Variants in PDE6D observed in about 807,000 individuals in gnomAD.
PDE6D encodes retinal rod rhodopsin-sensitive cGMP 3',5'-cyclic phosphodiesterase subunit delta.
A neutral mutation model predicts 21.9 loss-of-function variants in PDE6D; 10 were observed. The observed-to-expected ratio is 0.46, with a 90% CI of 0.28 to 0.78. The LOEUF is 0.78. Among genes scored for constraint, PDE6D ranks in the 30% least tolerant of loss-of-function variants. The probability of loss-of-function intolerance (pLI) is 0.12; values close to 1 mark genes in which losing one functional copy is unlikely to be tolerated. For synonymous variants in PDE6D, 59 were observed against 63.5 expected (o/e 0.93, Z 0.34); for missense variants, 139 against 184.8 (o/e 0.75, Z 1.44).
intron 1 of PDE6D, among the ~76,000 whole-genome samples, chr2:231,754,838 A>G (rs760549457): frequency 1.1e-4 from 16 of 152,250 alleles, no homozygotes; most frequent in Non-Finnish European, 1.8e-4. Flanking sequence ...TAAAAGGATA[A>G]TCTTCTTCTT....
intron 1 of PDE6D, among the ~76,000 whole-genome samples, chr2:231,770,561 T>A (rs2049006609): frequency 6.6e-6 from 1 of 152,156 alleles, no homozygotes; most frequent in South Asian, 2.1e-4. Flanking sequence ...TCATGTCTGT[T>A]AATTCCAGCA....
At chr2:231,779,235 C>A (rs2049081958) in intron 1 of PDE6D, 1 of 152,200 alleles carries the variant, frequency 6.6e-6, no homozygotes, top group South Asian at 2.1e-4. Flanking sequence ...TTTCTGGATG[C>A]ACTAACATCA....
intron 2 of PDE6D, among the ~76,000 whole-genome samples, chr2:231,738,419 A>T (rs1045093008): frequency 6.6e-6 from 1 of 152,164 alleles, no homozygotes; most frequent in African/African-American, 2.4e-5. Flanking sequence ...AACTACTCTC[A>T]TCAGGAAGGG....
chr2:231,741,621 T>C (rs1406499848), intron 1 of PDE6D, among the ~76,000 whole-genome samples: 1 of 152,218 alleles, frequency 6.6e-6, no homozygotes, highest in Non-Finnish European at 1.5e-5. Flanking sequence ...ATAGAATACC[T>C]AGTGTGTTTA....
chr2:231,753,245 C>T (rs889305922), intron 1 of PDE6D, among the ~76,000 whole-genome samples: 5 of 148,004 alleles, frequency 3.4e-5, no homozygotes, highest in Non-Finnish European at 7.5e-5. Context: ...CTGTTTCGGC[C>T]GGGAGCGGTG....
At chr2:231,741,560 G>C (rs1387183077) in intron 1 of PDE6D, among the ~76,000 whole-genome samples, 1 of 152,162 alleles carries the variant, frequency 6.6e-6, no homozygotes, top group Non-Finnish European at 1.5e-5. Flanking sequence ...GTCCAGGCTA[G>C]AGCAGGTCAC....
Position 231,739,147 on chromosome 2 carries a change from A to G in PDE6D, c.92T>C (p.Leu31Pro). 1 of 1,613,422 alleles carries G rather than the reference A, an allele frequency of 6.2e-7. No homozygotes were observed. Among genetic ancestry groups the G allele is most frequent in the Non-Finnish European group, 8.5e-7 (1 of 1,179,394 alleles). ...AGACAGGTCTTCTGTTCCTTGCCAGAGTATCTTCCCTGTCTCAGCATCCCG... is the reference window on the plus strand; with the variant it reads ...AGACAGGTCTTCTGTTCCTTGCCAGGGTATCTTCCCTGTCTCAGCATCCCG... ...NLRDAETGKI[L>P]WQGTEDLSVP... The change falls in exon 2 of 5, where the codon CTC (leucine) becomes CCC (proline). Residue 31 changes from leucine to proline, a missense_variant. Leu to Pro is a moderately conservative substitution (Grantham distance 98). Coordinates refer to ENST00000287600, the MANE Select transcript of PDE6D (RefSeq NM_002601.4). This position sits in a 1 kb window ranked among gnomAD's most constrained non-coding sequence, Gnocchi z 4.2.
chr2:231,733,887 C>G (rs2048671672), intron 4 of PDE6D, among the ~76,000 whole-genome samples: 1 of 152,008 alleles, frequency 6.6e-6, no homozygotes, highest in Non-Finnish European at 1.5e-5. Flanking sequence ...CACACTTGAG[C>G]TGAGTTTAGG....
At chr2:231,769,070 T>C (rs900065593) in intron 1 of PDE6D, among the ~76,000 whole-genome samples, 1 of 151,840 alleles carries the variant, frequency 6.6e-6, no homozygotes, top group African/African-American at 2.4e-5. Flanking sequence ...GGTTTCATCA[T>C]ACTGGTCAGG....
At chr2:231,770,782 G>A (rs1346818285) in intron 1 of PDE6D, among the ~76,000 whole-genome samples, 1 of 152,000 alleles carries the variant, frequency 6.6e-6, no homozygotes, top group Non-Finnish European at 1.5e-5. Flanking sequence ...GTGAAACCCT[G>A]TCTCTACTAA....
rs901089429 is a variant in PDE6D at position 231,738,808 on chromosome 2, C to T, written c.139+292G>A. Among the ~76,000 whole-genome samples the T allele has an allele frequency of 1.1e-4, 16 of 148,508 alleles. No individual in the cohort carries two copies. In the Admixed American group the frequency reaches 1.1e-3, roughly 10 times the overall value. On this transcript the variant is annotated intron_variant, in intron 2 of 4. Coordinates refer to ENST00000287600, the MANE Select transcript of PDE6D (RefSeq NM_002601.4). Reference sequence around the variant, plus strand: ...GCGCACGCCTGTAGTCCCAGCTACTCGGGAGGCTGAGGCATGAAAATCGCT... The same window carrying T: ...GCGCACGCCTGTAGTCCCAGCTACTTGGGAGGCTGAGGCATGAAAATCGCT...
rs201694238 is a variant in PDE6D, at chr2:231,765,525, TC to T, written c.50+15539del. On this transcript the variant is annotated intron_variant, in intron 1 of 4. Coordinates refer to ENST00000287600, the MANE Select transcript of PDE6D (RefSeq NM_002601.4). ...TATGGGCATGTGGCTCTGAGTAATT[TC>T]CAGGTAAGTATATTTTTCAGGCAAA... Among the ~76,000 whole-genome samples the T allele has an allele frequency of 9.9e-3, 1,509 of 152,264 alleles. 26 individuals carry two copies. Among genetic ancestry groups the T allele is most frequent in the South Asian group, 0.05 (243 of 4,820 alleles).
chr2:231,753,526 G>A (rs1002198503), intron 1 of PDE6D, among the ~76,000 whole-genome samples: 2 of 151,690 alleles, frequency 1.3e-5, no homozygotes, highest in East Asian at 1.9e-4. Context: ...AGTCCAGCCT[G>A]GGCGACAGAG....
At position 231,733,442 on chromosome 2, in the gene PDE6D, C is replaced by T. The variant is rs369462950; in HGVS notation, c.372-409G>A. On this transcript the variant is annotated intron_variant, in intron 4 of 4. Coordinates refer to ENST00000287600, the MANE Select transcript of PDE6D (RefSeq NM_002601.4). Reference sequence around the variant, plus strand: ...CCTTCCCTACAGTACTCACAATAGTCGAAAGGTGGGCTTTGGCCTGGCCCA... The same window carrying T: ...CCTTCCCTACAGTACTCACAATAGTTGAAAGGTGGGCTTTGGCCTGGCCCA... 1.9e-4 allele frequency among the ~76,000 whole-genome samples: 29 copies of T among 152,296 alleles called. No individual in the cohort carries two copies. The East Asian group carries it at 5.0e-3, about 26-fold the overall frequency.
chr2:231,768,361 C>A (rs941089434), intron 1 of PDE6D, among the ~76,000 whole-genome samples: 9 of 152,118 alleles, frequency 5.9e-5, no homozygotes, highest in African/African-American at 2.2e-4. Flanking sequence ...AACACCTCAT[C>A]TTTTAAGATC....
chr2:231,746,846 A>T (rs954035217), intron 1 of PDE6D, among the ~76,000 whole-genome samples: 1 of 152,182 alleles, frequency 6.6e-6, no homozygotes. Flanking sequence ...CATACAACTC[A>T]GAACCAAGAG....
intron 1 of PDE6D, among the ~76,000 whole-genome samples, chr2:231,753,169 AT>A (rs2048855809): frequency 6.7e-6 from 1 of 148,916 alleles, no homozygotes; most frequent in South Asian, 2.1e-4. Flanking sequence ...CTCCCAACTC[AT>A]TTTTCTCCTC....
chr2:231,780,068 A>T (rs1029898639), intron 1 of PDE6D, among the ~76,000 whole-genome samples: 1 of 152,192 alleles, frequency 6.6e-6, no homozygotes, highest in Non-Finnish European at 1.5e-5. Flanking sequence ...AGAATGGAAA[A>T]TTTGAATATC....
intron 1 of PDE6D, among the ~76,000 whole-genome samples, chr2:231,760,280 G>A (rs1398379705): frequency 6.6e-6 from 1 of 152,132 alleles, no homozygotes; most frequent in East Asian, 1.9e-4. Flanking sequence ...TGGCAGAAAT[G>A]TATACAGTCT....
Sources: gnomAD v4.1 joint callset for allele counts (sites outside exome capture counted in the v4.1 genomes callset) on GRCh38, gnomAD v4.1.1 for gene constraint, Gnocchi (gnomAD v3.1) non-coding constraint, MANE v1.5 for transcripts, NCBI Gene and HGNC (gene_info 2026-07-23, HGNC 2026-07-21) for gene names.